Variants in PCDH15 observed in about 807,000 individuals in gnomAD.
PCDH15 encodes protocadherin-15.
A neutral mutation model predicts 178.5 loss-of-function variants in PCDH15; 129 were observed. The ratio of observed to expected loss-of-function variants is 0.72; its 90% CI spans 0.63 to 0.84. PCDH15 has a LOEUF of 0.84. Ranked by LOEUF, PCDH15 falls within the 40% of genes least tolerant of loss-of-function variation. PCDH15 has a pLI of 0.00. For missense variants in PCDH15, 2,230 were observed against 2,099.9 expected, an observed-to-expected ratio of 1.06 and a Z score of -1.21; for synonymous variants, 800 against 732.0, an observed-to-expected ratio of 1.09 and a Z score of -1.50.
intron 32 of PCDH15, among the ~76,000 whole-genome samples, chr10:53,825,412 T>C (rs1446264740): frequency 6.6e-6 from 1 of 151,688 alleles, no homozygotes; most frequent in Non-Finnish European, 1.5e-5. Context: ...TAGATAAAAA[T>C]TCACTTCTAT....
intron 1 of PCDH15, among the ~76,000 whole-genome samples, chr10:54,724,723 C>T (rs1457773878): frequency 1.3e-5 from 2 of 150,874 alleles, no homozygotes; most frequent in South Asian, 2.1e-4. Flanking sequence ...AAAAGCAAGA[C>T]TAAAGGTAAA....
At chr10:54,873,707 A>ATC (rs2131797909) in intron 3 of PCDH15, among the ~76,000 whole-genome samples, 1 of 146,018 alleles carries the variant, frequency 6.8e-6, no homozygotes, top group East Asian at 2.0e-4. Context: ...ATATATATAT[A>ATC]TATATATATA....
At chr10:55,337,905 T>C (rs1185452435) in intron 2 of PCDH15, among the ~76,000 whole-genome samples, 1 of 152,116 alleles carries the variant, frequency 6.6e-6, no homozygotes, top group African/African-American at 2.4e-5. Context: ...CTTTGAAAAC[T>C]ATCCATCTGA....
intron 2 of PCDH15, among the ~76,000 whole-genome samples, chr10:55,141,479 C>A (rs1184059210): frequency 6.6e-6 from 1 of 151,936 alleles, no homozygotes; most frequent in Non-Finnish European, 1.5e-5. Context: ...TTTTCTCTTC[C>A]ACAGTGACTT....
intron 27 of PCDH15, among the ~76,000 whole-genome samples, chr10:53,864,047 C>T (rs1199387679): frequency 2.0e-5 from 3 of 152,136 alleles, no homozygotes; most frequent in Non-Finnish European, 4.4e-5. Context: ...TCTAGGACAT[C>T]GAGGCAAAAT....
intron 15 of PCDH15, among the ~76,000 whole-genome samples, chr10:54,126,424 T>A: frequency 6.6e-6 from 1 of 152,136 alleles, no homozygotes; most frequent in East Asian, 1.9e-4. Flanking sequence ...ACCTCCCTCC[T>A]ATTAACCAAC....
intron 20 of PCDH15, among the ~76,000 whole-genome samples, chr10:53,997,374 T>A (rs2091905706): frequency 6.6e-6 from 1 of 151,898 alleles, no homozygotes; most frequent in African/African-American, 2.4e-5. Flanking sequence ...TTTCCAAGAG[T>A]GCCAATTAAC....
chr10:55,241,350 T>C (rs772416059), intron 1 of PCDH15, among the ~76,000 whole-genome samples: 1 of 152,178 alleles, frequency 6.6e-6, no homozygotes, highest in Non-Finnish European at 1.5e-5. Context: ...GATTTGAGCA[T>C]TTATCACCAT....
intron 5 of PCDH15, among the ~76,000 whole-genome samples, chr10:54,350,986 C>A (rs1944080514): frequency 6.6e-6 from 1 of 152,018 alleles, no homozygotes; most frequent in African/African-American, 2.4e-5. Flanking sequence ...CACCTGTAGT[C>A]CCAGCTACTC....
At chr10:55,034,759 C>T (rs952029765) in intron 2 of PCDH15, among the ~76,000 whole-genome samples, 1 of 151,928 alleles carries the variant, frequency 6.6e-6, no homozygotes, top group African/African-American at 2.4e-5. Context: ...TTATAAAAAC[C>T]TGTGATATGT....
At chr10:54,247,944 A>G (rs1221826958) in intron 8 of PCDH15, among the ~76,000 whole-genome samples, 3 of 146,736 alleles carry the variant, frequency 2.0e-5, no homozygotes, top group Admixed American at 1.4e-4. Context: ...GAATATATAT[A>G]TATATATATA....
At chr10:54,447,534 G>A (rs147677876) in intron 3 of PCDH15, among the ~76,000 whole-genome samples, 1 of 151,484 alleles carries the variant, frequency 6.6e-6, no homozygotes, top group East Asian at 1.9e-4. Context: ...AGTCTCCCAG[G>A]TTCATACGTG....
At chr10:54,357,095 G>T (rs1277672033) in intron 5 of PCDH15, among the ~76,000 whole-genome samples, 5 of 151,958 alleles carry the variant, frequency 3.3e-5, no homozygotes, top group East Asian at 1.9e-4. Context: ...CTTTGAAAAT[G>T]GGCACAAGAC....
intron 2 of PCDH15, among the ~76,000 whole-genome samples, chr10:55,479,214 C>T (rs73261683): frequency 0.015 from 2,229 of 151,514 alleles, 47 homozygotes; most frequent in African/African-American, 0.051. Context: ...ACAAATAAAC[C>T]TGATGAACAT....
intron 2 of PCDH15, among the ~76,000 whole-genome samples, chr10:55,360,784 T>C (rs1845208613): frequency 6.6e-6 from 1 of 151,984 alleles, no homozygotes; most frequent in Non-Finnish European, 1.5e-5. Context: ...TTTGACAGCA[T>C]TTAACAATAA....
chr10:54,240,926 T>C lies in PCDH15; in HGVS notation c.877-3995A>G, dbSNP rs548140285. Among the ~76,000 whole-genome samples the C allele has an allele frequency of 1.2e-4, 18 of 152,232 alleles. No individual in the cohort carries two copies. In the East Asian group the frequency reaches 2.3e-3, roughly 20 times the overall value. The stretch of plus-strand genomic sequence containing the variant: ...GATTACAGGAGTGAGCCACCGCGCC[T>C]GGCCAATTCTGTTATTTTCATTGAA... On this transcript the variant is annotated intron_variant, in intron 8 of 37. Coordinates refer to ENST00000644397, the MANE Select transcript of PCDH15 (RefSeq NM_001384140.1).
intron 13 of PCDH15, among the ~76,000 whole-genome samples, chr10:54,176,539 A>G (rs976750574): frequency 1.3e-5 from 2 of 152,182 alleles, no homozygotes; most frequent in African/African-American, 4.8e-5. Flanking sequence ...AACCCTATAT[A>G]TTATTCTCGG....
At chr10:54,437,608 G>A (rs2075509195) in intron 3 of PCDH15, among the ~76,000 whole-genome samples, 1 of 152,042 alleles carries the variant, frequency 6.6e-6, no homozygotes, top group Admixed American at 6.5e-5. Context: ...TCAACTCATG[G>A]TATCTTGTTA....
intron 17 of PCDH15, among the ~76,000 whole-genome samples, chr10:54,078,906 T>A (rs1179424543): frequency 3.3e-5 from 5 of 152,272 alleles, no homozygotes; most frequent in African/African-American, 1.2e-4. Flanking sequence ...CAAATCACTT[T>A]CCTAAGTGCT....
Sources: allele counts gnomAD v4.1 joint callset (sites outside exome capture counted in the v4.1 genomes callset), GRCh38; gene constraint gnomAD v4.1.1; transcripts MANE v1.5; gene names NCBI Gene and HGNC (gene_info 2026-07-23, HGNC 2026-07-21).